Variants in CLEC4C observed in about 807,000 individuals in gnomAD.
CLEC4C encodes the protein C-type (calcium dependent, carbohydrate-recognition domain) lectin, superfamily member 11.
A neutral mutation model predicts 27.7 loss-of-function variants in CLEC4C; 17 were observed. The ratio of observed to expected loss-of-function variants is 0.61; its 90% CI spans 0.42 to 0.92. CLEC4C has a LOEUF of 0.92. CLEC4C is among the 40% of genes least tolerant of loss of function. CLEC4C has a pLI of 0.00. For missense variants in CLEC4C, 244 were observed against 257.3 expected (o/e 0.95, Z 0.35); for synonymous variants, 80 against 80.8 (o/e 0.99, Z 0.06).
chr12:7,732,249 CA>C (rs1358831358), intron 4 of CLEC4C, among the ~76,000 whole-genome samples: 1 of 152,116 alleles, frequency 6.6e-6, no homozygotes, highest in African/African-American at 2.4e-5. Context: ...AGGCTGGTCT[CA>C]AACTCGTGAC....
Position 7,745,424 on chromosome 12 carries a change from C to CTTTT in CLEC4C, c.124+903_124+906dup, listed in dbSNP as rs140956970. 2.5e-3 allele frequency among the ~76,000 whole-genome samples: 122 copies of CTTTT among 48,188 alleles called. 36 individuals carry two copies. The highest frequency in any genetic ancestry group is 2.9e-3 in the East Asian group (3 of 1,040). The allele number at this position is 48,188 out of a possible 152,430, so 31.6% of individuals were successfully genotyped here. A position where few individuals can be genotyped will look rare whatever the true frequency, so the allele number is the denominator to read the frequency against. On this transcript the variant is annotated intron_variant, in intron 2 of 5. Coordinates refer to ENST00000360345, the MANE Select transcript of CLEC4C (RefSeq NM_001371390.1). ...TGTTTTTTAACTCACTCAGTCTATG[C>CTTTT]TTTTTTTTTTTTTTTTTTTTTTTTT...
At chr12:7,747,422 T>C, upstream of CLEC4C, 1 of 1,490,388 alleles carries the variant, frequency 6.7e-7, no homozygotes, top group Non-Finnish European at 9.4e-7. Context: ...TCTCCAAAGA[T>C]GTTACTTTCG....
chr12:7,730,666 C>A, intron 5 of CLEC4C, 131 bp downstream of exon 5: 4 of 503,190 alleles, frequency 7.9e-6, no homozygotes, highest in East Asian at 6.7e-5. Flanking sequence ...AAGCACAACC[C>A]TTGATGTCAA....
Position 7,743,348 on chromosome 12 carries a change from G to T in CLEC4C, c.125-1817C>A, listed in dbSNP as rs150032474. ...GTTCACTGGCAGGCACATAGAGCAAGATCTGACTTTTCACTTATCCTCACT... is the reference window on the plus strand; with the variant it reads ...GTTCACTGGCAGGCACATAGAGCAATATCTGACTTTTCACTTATCCTCACT... On this transcript the variant is annotated intron_variant, in intron 2 of 5. Coordinates refer to ENST00000360345, the MANE Select transcript of CLEC4C (RefSeq NM_001371390.1). 3.3e-3 allele frequency among the ~76,000 whole-genome samples: 507 copies of T among 151,564 alleles called. 1 individual carries two copies. Among genetic ancestry groups the T allele is most frequent in the Middle Eastern group, 6.9e-3 (2 of 290 alleles).
At chr12:7,739,222 C>T (rs1371425542) in intron 3 of CLEC4C, among the ~76,000 whole-genome samples, 1 of 151,890 alleles carries the variant, frequency 6.6e-6, no homozygotes, top group Admixed American at 6.6e-5. Context: ...AAGCAATTCT[C>T]CTGCCTCAGC....
chr12:7,746,286 TG>T (rs759049738), intron 2 of CLEC4C, 44 bp downstream of exon 2: 2 of 1,074,150 alleles, frequency 1.9e-6, no homozygotes, highest in East Asian at 4.9e-5. Context: ...AAAATGTGAT[TG>T]GGAAAAGGAC....
intron 5 of CLEC4C, 83 bp downstream of exon 5, chr12:7,730,714 G>C: frequency 3.1e-6 from 2 of 639,410 alleles, no homozygotes; most frequent in East Asian, 5.9e-5. Flanking sequence ...GGGTTTTATT[G>C]TTTGTTTGCT....
chr12:7,739,786 C>T (rs1304952174), intron 3 of CLEC4C, among the ~76,000 whole-genome samples: 1 of 151,894 alleles, frequency 6.6e-6, no homozygotes, highest in Non-Finnish European at 1.5e-5. Flanking sequence ...CTCAACTGAT[C>T]CTCCCACCTC....
At chr12:7,741,587 C>G (rs945015952) in intron 2 of CLEC4C, 56 bp from the exon 3 acceptor site, 1 of 977,234 alleles carries the variant, frequency 1.0e-6, no homozygotes, top group East Asian at 2.4e-5. Flanking sequence ...CTATGTTGTA[C>G]TATACAATCT....
intron 2 of CLEC4C, among the ~76,000 whole-genome samples, chr12:7,745,804 TA>T: frequency 6.6e-6 from 1 of 151,952 alleles, no homozygotes; most frequent in Middle Eastern, 3.2e-3. Flanking sequence ...AAAATGCAAC[TA>T]AAACCAGGCA....
Position 7,737,558 on chromosome 12 carries a change from T to A in CLEC4C, c.252A>T (p.Pro84=). 1 of 1,613,010 alleles carries A rather than the reference T, an allele frequency of 6.2e-7. No individual in the cohort carries two copies. The highest frequency in any genetic ancestry group is 8.5e-7 in the Non-Finnish European group (1 of 1,179,414). Reference sequence around the variant, plus strand: ...TAGACTGAAATGAAGTCCAAGGGGTTGGGCAGCAGCTCCAATCTTCCCAAA... The same window carrying A: ...TAGACTGAAATGAAGTCCAAGGGGTAGGGCAGCAGCTCCAATCTTCCCAAA... ...GKDIEDWSCC[P]TPWTSFQSSC... The change falls in exon 4 of 6, where the codon CCA becomes CCT. Residue 84 remains proline, a synonymous_variant. Transcript: ENST00000360345.
At chr12:7,743,025 T>C (rs902387581) in intron 2 of CLEC4C, among the ~76,000 whole-genome samples, 1 of 152,134 alleles carries the variant, frequency 6.6e-6, no homozygotes, top group Admixed American at 6.6e-5. Flanking sequence ...TACGTATATA[T>C]CTTGATTTCC....
rs756117278 is a variant in CLEC4C, at chr12:7,746,364, G to A, written c.91C>T (p.Leu31Phe). 6.2e-7 allele frequency: 1 copy of A among 1,613,770 alleles called. No individual in the cohort carries two copies. Among genetic ancestry groups the A allele is most frequent in the African/African-American group, 1.3e-5 (1 of 75,020 alleles). The part of the protein sequence containing the change: ...VWSMAVVSIL[L>F]LSVCFTVSSV... ...CTCACAGTGAAACAGACACTGAGGA[G>A]CAAGATGGATACGACTGCCATGGAC... The change falls in exon 2 of 6, where the codon CTC (leucine) becomes TTC (phenylalanine). Residue 31 changes from leucine to phenylalanine, a missense_variant. By Grantham distance (22) the Leu-to-Phe change is conservative (BLOSUM62 0). Transcript: ENST00000360345.
At chr12:7,739,811 C>G (rs1864813597) in intron 3 of CLEC4C, among the ~76,000 whole-genome samples, 1 of 151,710 alleles carries the variant, frequency 6.6e-6, no homozygotes, top group Non-Finnish European at 1.5e-5. Context: ...TCCAAAGTAG[C>G]TAGGACTATA....
At chr12:7,746,891 C>T (rs1438199680) in intron 1 of CLEC4C, among the ~76,000 whole-genome samples, 2 of 152,022 alleles carry the variant, frequency 1.3e-5, no homozygotes, top group African/African-American at 4.8e-5. Flanking sequence ...ATGGCACGAT[C>T]TCGGCTCACT....
chr12:7,741,629 T>C (rs1864858336), intron 2 of CLEC4C, 98 bp from the exon 3 acceptor site: 1 of 698,752 alleles, frequency 1.4e-6, no homozygotes, highest in Non-Finnish European at 2.6e-6. Flanking sequence ...GACTCACGCC[T>C]GTAATCTCAG....
chr12:7,731,257 G>A (rs1864590180), intron 4 of CLEC4C, among the ~76,000 whole-genome samples: 1 of 152,020 alleles, frequency 6.6e-6, no homozygotes, highest in East Asian at 1.9e-4. Flanking sequence ...GCCTGCAGCT[G>A]CACAAAGATG....
chr12:7,748,681 T>C (rs1865039939), upstream of CLEC4C, among the ~76,000 whole-genome samples: 1 of 152,198 alleles, frequency 6.6e-6, no homozygotes, highest in African/African-American at 2.4e-5. Flanking sequence ...AACCTCCCTC[T>C]GCCCCTGCCT....
At chr12:7,730,378 C>T (rs755816712) in intron 5 of CLEC4C, among the ~76,000 whole-genome samples, 1 of 152,292 alleles carries the variant, frequency 6.6e-6, no homozygotes, top group Admixed American at 6.5e-5. Flanking sequence ...TGGTGGCTCA[C>T]ACCTGTAATC....
Sources: gnomAD v4.1 joint callset for allele counts (sites outside exome capture counted in the v4.1 genomes callset) on GRCh38, gnomAD v4.1.1 for gene constraint, MANE v1.5 for transcripts, NCBI Gene and HGNC (gene_info 2026-07-23, HGNC 2026-07-21) for gene names.